ELK4: variants seen among roughly 807,000 people sequenced by gnomAD.
The protein encoded by ELK4 is ETS transcription factor ELK4, also known as ETS domain-containing protein Elk-4.
In ELK4, 16 loss-of-function variants were observed where a neutral mutation model predicts 29.6. The observed-to-expected ratio is 0.54, with a 90% CI of 0.37 to 0.82. The LOEUF is 0.82. ELK4 is among the 40% of genes least tolerant of loss of function. ELK4 has a pLI of 0.00. For synonymous variants in ELK4, 213 were observed against 191.1 expected (o/e 1.11, Z -0.95); for missense variants, 465 against 507.1 (o/e 0.92, Z 0.80).
Position 205,631,845 on chromosome 1 carries a change from C to G in ELK4, c.-223G>C, listed in dbSNP as rs1440468570. 6 of 148,146 alleles carry G rather than the reference C, an allele frequency of 4.1e-5. No individual in the cohort carries two copies. Among genetic ancestry groups the G allele is most frequent in the Non-Finnish European group, 9.0e-5 (6 of 66,896 alleles). 9.2% of individuals were successfully genotyped at this position (148,146 alleles called of 1,614,324 possible). ...CGCCGCCGCGGCTCCTGGCGCCCCG[C>G]CCTCCCCGCCCCCGCACGCGGCAGC... On this transcript the variant is annotated 5_prime_UTR_variant, in exon 1 of 5. Transcript: ENST00000357992.
At position 205,620,218 on chromosome 1, in the gene ELK4, T is replaced by C; in HGVS notation, c.828A>G (p.Pro276=). The C allele has an allele frequency of 6.2e-7, 1 of 1,614,236 alleles. No homozygotes were observed. The highest frequency in any genetic ancestry group is 8.5e-7 in the Non-Finnish European group (1 of 1,180,046). Residue 276 remains proline, a synonymous_variant, in exon 3 of 5, where the codon CCA becomes CCG. Coordinates refer to ENST00000357992, the MANE Select transcript of ELK4 (RefSeq NM_001973.4). The part of the protein sequence containing the change: ...RTPSPPLSSH[P]DIDTDIDSVA... Reference sequence around the variant, plus strand: ...CTGAATCAATGTCTGTGTCGATGTCTGGGTGAGAACTCAGTGGTGGTGAAG... The same window carrying C: ...CTGAATCAATGTCTGTGTCGATGTCCGGGTGAGAACTCAGTGGTGGTGAAG...
chr1:205,617,475 C>T (rs912679867), intron 4 of ELK4, among the ~76,000 whole-genome samples: 3 of 151,826 alleles, frequency 2.0e-5, no homozygotes, highest in East Asian at 1.9e-4. Context: ...ACTTTCCTAA[C>T]GTCTTGGTGA....
chr1:205,612,642 CA>C lies in ELK4; in HGVS notation c.*3903del. 4.8e-6 allele frequency: 1 copy of C among 209,548 alleles called. No homozygotes were observed. Among genetic ancestry groups the C allele is most frequent in the Non-Finnish European group, 9.7e-6 (1 of 103,150 alleles). The allele number at this position is 209,548 out of a possible 1,614,324, so 13.0% of individuals were successfully genotyped here. On this transcript the variant is annotated 3_prime_UTR_variant, in exon 5 of 5. Coordinates refer to ENST00000357992, the MANE Select transcript of ELK4 (RefSeq NM_001973.4). ...TGGCTCTAAATGTGCTTACATTCAC[CA>C]AAAACATAAAAGGACACCTTTAAGA...
intron 1 of ELK4, among the ~76,000 whole-genome samples, chr1:205,624,284 G>GAA (rs1200529272): frequency 6.6e-6 from 1 of 152,154 alleles, no homozygotes. Flanking sequence ...TGTTAAATTT[G>GAA]AATCCTAAAA....
rs1571505726 is a variant in ELK4, at chr1:205,626,201, G to A, written c.-9-2310C>T. 8.6e-6 allele frequency: 5 copies of A among 580,672 alleles called. No homozygotes were observed. The East Asian group carries it at 1.8e-4, about 20-fold the overall frequency. The allele number at this position is 580,672 out of a possible 1,614,324, so 36.0% of individuals were successfully genotyped here. On this transcript the variant is annotated intron_variant, in intron 1 of 4. Coordinates refer to ENST00000357992, the MANE Select transcript of ELK4 (RefSeq NM_001973.4). ...GGGGGGTCTCATTCTACAGAGAGGT[G>A]GCCTCCCTTTCTTGACCTCCTCCTC...
intron 4 of ELK4, among the ~76,000 whole-genome samples, chr1:205,617,817 C>A (rs1670259008): frequency 6.6e-6 from 1 of 152,104 alleles, no homozygotes; most frequent in South Asian, 2.1e-4. Flanking sequence ...AGGAGAACCG[C>A]TTGAACCCAG....
chr1:205,613,334 AT>A lies in ELK4; in HGVS notation c.*3211del, dbSNP rs1319709505. The A allele has an allele frequency of 5.3e-6, 1 of 188,178 alleles. No homozygotes were observed. Among genetic ancestry groups the A allele is most frequent in the East Asian group, 8.5e-5 (1 of 11,752 alleles). 11.7% of individuals were successfully genotyped at this position (188,178 alleles called of 1,614,324 possible). ...AATTAAATTAAAGGATTACTGAAAG[AT>A]CTCATTTCTAAAAAAAGAAAAAGAA... On this transcript the variant is annotated 3_prime_UTR_variant, in exon 5 of 5. Coordinates refer to ENST00000357992, the MANE Select transcript of ELK4 (RefSeq NM_001973.4).
chr1:205,617,601 A>G lies in ELK4; in HGVS notation c.1198-957T>C, dbSNP rs550978285. ...ACCATTTTCAAGACCTTTCTCTATTAAAAAAAAAAAAATGCTTGGGCCGCG... is the reference window on the plus strand; with the variant it reads ...ACCATTTTCAAGACCTTTCTCTATTGAAAAAAAAAAAATGCTTGGGCCGCG... On this transcript the variant is annotated intron_variant, in intron 4 of 4. Transcript: ENST00000357992. 2.9e-3 allele frequency among the ~76,000 whole-genome samples: 412 copies of G among 139,916 alleles called. 1 individual carries two copies. The highest frequency in any genetic ancestry group is 9.9e-3 in the African/African-American group (394 of 39,654). The allele number at this position is 139,916 out of a possible 152,430, so 91.8% of individuals were successfully genotyped here. A position where few individuals can be genotyped will look rare whatever the true frequency, so the allele number is the denominator to read the frequency against.
At chr1:205,631,221 G>A (rs988228186) in intron 1 of ELK4, among the ~76,000 whole-genome samples, 2 of 152,220 alleles carry the variant, frequency 1.3e-5, no homozygotes, top group African/African-American at 2.4e-5. Context: ...AAACGCGGAC[G>A]GCCGCGTGTG....
Position 205,619,161 on chromosome 1 carries a change from T to TA in ELK4, c.1081-89dup, listed in dbSNP as rs1279632727. ...AGCACACAAATAACCCAAACCTAAA[T>TA]ATTGCCCTATCCTCCACTCCAAATA... On this transcript the variant is annotated intron_variant, in intron 3 of 4. Transcript: ENST00000357992. 1.2e-4 allele frequency: 150 copies of TA among 1,238,128 alleles called. 1 individual carries two copies. Among genetic ancestry groups the TA allele is most frequent in the Non-Finnish European group, 1.2e-4 (112 of 925,714 alleles). The allele number at this position is 1,238,128 out of a possible 1,614,324, so 76.7% of individuals were successfully genotyped here.
Position 205,614,073 on chromosome 1 carries a change from T to C in ELK4, c.*2473A>G, listed in dbSNP as rs1373210211. ...AAAAAAGGATACGCACACACACACTTCTCCAAATTAGTTGATCTCAAAGAG... is the reference window on the plus strand; with the variant it reads ...AAAAAAGGATACGCACACACACACTCCTCCAAATTAGTTGATCTCAAAGAG... On this transcript the variant is annotated 3_prime_UTR_variant, in exon 5 of 5. Coordinates refer to ENST00000357992, the MANE Select transcript of ELK4 (RefSeq NM_001973.4). 4 of 224,704 alleles carry C rather than the reference T, an allele frequency of 1.8e-5. No homozygotes were observed. Among genetic ancestry groups the C allele is most frequent in the African/African-American group, 6.7e-5 (3 of 44,832 alleles). The allele number at this position is 224,704 out of a possible 1,614,324, so 13.9% of individuals were successfully genotyped here. A position where few individuals can be genotyped will look rare whatever the true frequency, so the allele number is the denominator to read the frequency against.
intron 1 of ELK4, 151 bp downstream of exon 1, chr1:205,631,481 G>T (rs1483528355): frequency 6.7e-6 from 1 of 150,336 alleles, no homozygotes; most frequent in Non-Finnish European, 1.5e-5. Flanking sequence ...CGGCGGGCCG[G>T]GGGCGGACCC....
intron 1 of ELK4, among the ~76,000 whole-genome samples, chr1:205,629,004 G>A (rs2102386927): frequency 6.6e-6 from 1 of 151,952 alleles, no homozygotes; most frequent in African/African-American, 2.4e-5. Flanking sequence ...AAACCCCCGT[G>A]TCTATTAAAA....
chr1:205,625,706 T>G (rs1670441289), intron 1 of ELK4: 2 of 740,442 alleles, frequency 2.7e-6, no homozygotes, highest in Non-Finnish European at 2.4e-6. Flanking sequence ...TGAGATGGAG[T>G]CCCACTCTGT....
intron 1 of ELK4, among the ~76,000 whole-genome samples, chr1:205,626,470 C>G (rs994701005): frequency 6.6e-6 from 1 of 152,134 alleles, no homozygotes; most frequent in Non-Finnish European, 1.5e-5. Context: ...GGGCTCAGAA[C>G]CCCAGCAATC....
At position 205,631,622 on chromosome 1, in the gene ELK4, G is replaced by A. The variant is rs1418424950; in HGVS notation, c.-10+10C>T. 9.7e-6 allele frequency: 3 copies of A among 309,792 alleles called. No homozygotes were observed. The highest frequency in any genetic ancestry group is 2.3e-5 in the South Asian group (1 of 43,426). 19.2% of individuals were successfully genotyped at this position (309,792 alleles called of 1,614,324 possible). ...AGATCCCGAGGGGGCGCGCGGGGCT[G>A]ACCGCTCACCGACGCCGCGCGCGGG... On this transcript the variant is annotated intron_variant, in intron 1 of 4. Coordinates refer to ENST00000357992, the MANE Select transcript of ELK4 (RefSeq NM_001973.4).
intron 1 of ELK4, among the ~76,000 whole-genome samples, chr1:205,630,051 A>C (rs1178706402): frequency 6.6e-6 from 1 of 152,086 alleles, no homozygotes; most frequent in Non-Finnish European, 1.5e-5. Context: ...AAACAAAAAC[A>C]CAACAAAACA....
intron 1 of ELK4, among the ~76,000 whole-genome samples, chr1:205,630,618 C>T (rs1362480658): frequency 1.3e-5 from 2 of 152,234 alleles, no homozygotes; most frequent in African/African-American, 4.8e-5. Flanking sequence ...AAAAAATACT[C>T]TTTGTATAGG....
intron 1 of ELK4, among the ~76,000 whole-genome samples, chr1:205,626,431 A>C (rs1670463460): frequency 6.6e-6 from 1 of 152,044 alleles, no homozygotes; most frequent in Non-Finnish European, 1.5e-5. Flanking sequence ...TGATTGTTTC[A>C]GTTTCTGTTC....
Sources: gnomAD v4.1 joint callset for allele counts (sites outside exome capture counted in the v4.1 genomes callset) on GRCh38, gnomAD v4.1.1 for gene constraint, MANE v1.5 for transcripts, NCBI Gene and HGNC (gene_info 2026-07-23, HGNC 2026-07-21) for gene names.